PCMT1: variants seen among roughly 807,000 people sequenced by gnomAD.
PCMT1 encodes the protein protein-L-isoaspartate (D-aspartate) O-methyltransferase, also known as protein-L-isoaspartate(D-aspartate) O-methyltransferase.
PCMT1 carries 9 observed loss-of-function variants against 29.2 expected under a neutral mutation model. That is an observed-to-expected ratio of 0.31 (90% CI 0.19 to 0.54). PCMT1 has a LOEUF of 0.54. PCMT1 is among the 20% of genes least tolerant of loss of function. The pLI is 0.95. For synonymous variants in PCMT1, 98 were observed against 97.5 expected, an observed-to-expected ratio of 1.00 and a Z score of -0.03; for missense variants, 184 against 282.2, an observed-to-expected ratio of 0.65 and a Z score of 2.49.
At chr6:149,780,070 AC>A (rs1787752282) in intron 3 of PCMT1, among the ~76,000 whole-genome samples, 1 of 151,300 alleles carries the variant, frequency 6.6e-6, no homozygotes, top group African/African-American at 2.4e-5. Flanking sequence ...TAGGTACAGT[AC>A]CTTGAGCCTG....
chr6:149,805,939 C>CAA (rs58998570), intron 7 of PCMT1, among the ~76,000 whole-genome samples: 8 of 86,126 alleles, frequency 9.3e-5, no homozygotes, highest in Non-Finnish European at 1.5e-4. Flanking sequence ...GACTCTGTCT[C>CAA]AAAAAAAAAA....
intron 3 of PCMT1, among the ~76,000 whole-genome samples, chr6:149,789,562 G>T (rs998568750): frequency 2.0e-5 from 3 of 152,048 alleles, no homozygotes; most frequent in African/African-American, 7.2e-5. Context: ...TTTTGTATTT[G>T]CTTATATATG....
In PCMT1 at chr6:149,762,721, TATATATATCTATG is replaced by T. The variant is rs1249139318; in HGVS notation, c.56-8432_56-8420del. 4.6e-5 allele frequency among the ~76,000 whole-genome samples: 2 copies of T among 43,760 alleles called. 1 individual carries two copies. Among genetic ancestry groups the T allele is most frequent in the African/African-American group, 4.7e-4 (2 of 4,232 alleles). The allele number at this position is 43,760 out of a possible 152,430, so 28.7% of individuals were successfully genotyped here. A position where few individuals can be genotyped will look rare whatever the true frequency, so the allele number is the denominator to read the frequency against. On this transcript the variant is annotated intron_variant, in intron 1 of 7. Coordinates refer to ENST00000464889, the MANE Select transcript of PCMT1 (RefSeq NM_001360452.2). ...ATATCTATGATATATATATCTATGA[TATATATATCTATG>T]ATATATATATATCTATGATATATAT...
At chr6:149,803,797 GAAAAAAAAAA>G (rs35832236) in intron 7 of PCMT1, among the ~76,000 whole-genome samples, 4 of 109,912 alleles carry the variant, frequency 3.6e-5, no homozygotes, top group African/African-American at 1.3e-4. Context: ...ACAGCCACTG[GAAAAAAAAAA>G]AAAAAAAAAA....
intron 1 of PCMT1, among the ~76,000 whole-genome samples, chr6:149,761,292 T>TAC (rs1338138906): frequency 6.6e-6 from 1 of 151,706 alleles, no homozygotes; most frequent in Non-Finnish European, 1.5e-5. Flanking sequence ...CATATATATA[T>TAC]ACACATACAT....
At chr6:149,750,051 C>T (rs1786238941) in intron 1 of PCMT1, 95 bp downstream of exon 1, 1 of 1,447,798 alleles carries the variant, frequency 6.9e-7, no homozygotes, top group Non-Finnish European at 9.2e-7. Flanking sequence ...TCTGTCCCCG[C>T]GCGCCTGTTG....
At chr6:149,775,875 C>T (rs947615604) in intron 3 of PCMT1, among the ~76,000 whole-genome samples, 7 of 151,770 alleles carry the variant, frequency 4.6e-5, no homozygotes, top group African/African-American at 1.5e-4. Flanking sequence ...GATAGTTCAT[C>T]GTGGCCAGGC....
chr6:149,762,975 GAT>G (rs1247833040), intron 1 of PCMT1, among the ~76,000 whole-genome samples: 1 of 55,430 alleles, frequency 1.8e-5, no homozygotes, highest in Non-Finnish European at 2.5e-5. Context: ...TGATATATAT[GAT>G]ATATATATCT....
chr6:149,809,235 G>C (rs1271290259), intron 7 of PCMT1, among the ~76,000 whole-genome samples: 1 of 117,078 alleles, frequency 8.5e-6, no homozygotes, highest in Non-Finnish European at 1.6e-5. Context: ...CTCCAGCCTA[G>C]GTGACAGAGC....
At position 149,802,419 on chromosome 6, in the gene PCMT1, G is replaced by T; in HGVS notation, c.*37+3G>T. The stretch of plus-strand genomic sequence containing the variant: ...CTTTCTTCTTCCACACATGCAAGGT[G>T]AAAGGGTGTGGATTTTAAGACATTA... On this transcript the variant is annotated splice_donor_region_variant and intron_variant, in intron 7 of 7. Transcript: ENST00000464889. 6.4e-7 allele frequency: 1 copy of T among 1,562,896 alleles called. No individual in the cohort carries two copies.
chr6:149,778,466 C>T (rs1421053259), intron 3 of PCMT1, among the ~76,000 whole-genome samples: 2 of 151,030 alleles, frequency 1.3e-5, no homozygotes, highest in African/African-American at 2.4e-5. Context: ...TGACCTCAAG[C>T]GATCCACCCT....
chr6:149,775,364 A>C (rs915757845), intron 3 of PCMT1, among the ~76,000 whole-genome samples: 1 of 152,174 alleles, frequency 6.6e-6, no homozygotes, highest in African/African-American at 2.4e-5. Flanking sequence ...TGAAACTTAC[A>C]TATCTAGGAT....
At chr6:149,760,494 C>T (rs987749291) in intron 1 of PCMT1, among the ~76,000 whole-genome samples, 2 of 152,148 alleles carry the variant, frequency 1.3e-5, no homozygotes, top group Non-Finnish European at 2.9e-5. Context: ...TTTACCTTCA[C>T]CATTTCCCTC....
At chr6:149,768,605 C>T (rs114648330) in intron 1 of PCMT1, among the ~76,000 whole-genome samples, 2,329 of 151,712 alleles carry the variant, frequency 0.015, 71 homozygotes, top group African/African-American at 0.053. Flanking sequence ...CATGAACCAC[C>T]ATGCACGGCT....
chr6:149,780,342 G>GA (rs970397601), intron 3 of PCMT1, among the ~76,000 whole-genome samples: 1,226 of 117,900 alleles, frequency 0.01, 7 homozygotes, highest in Non-Finnish European at 0.015. Context: ...CCCTGTCTCA[G>GA]AAAAAAAAAA....
chr6:149,749,754 C>T lies in PCMT1; in HGVS notation c.-148C>T. 1.3e-6 allele frequency: 2 copies of T among 1,545,280 alleles called. No individual in the cohort carries two copies. Among genetic ancestry groups the T allele is most frequent in the Non-Finnish European group, 8.7e-7 (1 of 1,144,100 alleles). On this transcript the variant is annotated 5_prime_UTR_variant, in exon 1 of 8. Transcript: ENST00000464889. ...TGCCGGGAGCGCGCAGTGGCGGCAG[C>T]GGCGGCGACGGCAGTAACAGCGGCA...
chr6:149,791,033 C>G (rs3828700), intron 4 of PCMT1, among the ~76,000 whole-genome samples: 81,000 of 151,812 alleles, frequency 0.53, 24,787 homozygotes, highest in East Asian at 0.83. Context: ...GGGGGGTGGG[C>G]TTAGCATGGA....
rs1473071413 is a variant in PCMT1, at chr6:149,762,819, CTA to C, written c.56-8341_56-8340del. 5.5e-4 allele frequency among the ~76,000 whole-genome samples: 26 copies of C among 46,926 alleles called. 5 individuals carry two copies. Among genetic ancestry groups the C allele is most frequent in the Non-Finnish European group, 7.5e-4 (26 of 34,654 alleles). The allele number at this position is 46,926 out of a possible 152,430, so 30.8% of individuals were successfully genotyped here. A position where few individuals can be genotyped will look rare whatever the true frequency, so the allele number is the denominator to read the frequency against. ...CTATGATATATATATCTATGATAAT[CTA>C]TGATATATATGATATATATATCTAT... On this transcript the variant is annotated intron_variant, in intron 1 of 7. Coordinates refer to ENST00000464889, the MANE Select transcript of PCMT1 (RefSeq NM_001360452.2).
Position 149,774,538 on chromosome 6 carries a change from CTTTTT to C in PCMT1, c.192+1382_192+1386del, listed in dbSNP as rs34761342. Among the ~76,000 whole-genome samples the C allele has an allele frequency of 5.1e-5, 6 of 116,954 alleles. No homozygotes were observed. In the East Asian group the frequency reaches 1.6e-3, roughly 32 times the overall value. 76.7% of individuals were successfully genotyped at this position (116,954 alleles called of 152,430 possible). Reference sequence around the variant, plus strand: ...ATAGGTGTGAGCCACTGGGCCCAGTCTTTTTTTTTTTTTTTTTGAGACGGAGTTTC... The same window carrying C: ...ATAGGTGTGAGCCACTGGGCCCAGTCTTTTTTTTTTTTGAGACGGAGTTTC... On this transcript the variant is annotated intron_variant, in intron 3 of 7. Transcript: ENST00000464889.
Sources: gnomAD v4.1 joint callset for allele counts (sites outside exome capture counted in the v4.1 genomes callset) on GRCh38, gnomAD v4.1.1 for gene constraint, MANE v1.5 for transcripts, NCBI Gene and HGNC (gene_info 2026-07-23, HGNC 2026-07-21) for gene names.